APP: variants seen among roughly 807,000 people sequenced by gnomAD.
APP encodes the protein amyloid beta precursor protein.
A neutral mutation model predicts 101.4 loss-of-function variants in APP; 31 were observed. The observed-to-expected ratio is 0.31, with a 90% CI of 0.23 to 0.41. APP has a LOEUF of 0.41. Ranked by LOEUF, APP falls within the 10% of genes least tolerant of loss-of-function variation. APP has a pLI of 1.00. For synonymous variants in APP, 366 were observed against 364.4 expected (o/e 1.00, Z -0.05); for missense variants, 839 against 1,003.7 (o/e 0.84, Z 2.22).
rs2036985503 is a variant in APP, at chr21:25,881,580, T to C, written c.*90A>G. 3.5e-6 allele frequency: 5 copies of C among 1,447,244 alleles called. No individual in the cohort carries two copies. In the South Asian group the frequency reaches 5.7e-5, roughly 17 times the overall value. 89.7% of individuals were successfully genotyped at this position (1,447,244 alleles called of 1,614,324 possible). A position where few individuals can be genotyped will look rare whatever the true frequency, so the allele number is the denominator to read the frequency against. ...ATGAGTAAATCATAAAACGGGTTTG[T>C]TTCTTCCCACATTATTCTATAAATG... On this transcript the variant is annotated 3_prime_UTR_variant, in exon 18 of 18. Coordinates refer to ENST00000346798, the MANE Select transcript of APP (RefSeq NM_000484.4).
intron 13 of APP, chr21:25,941,592 T>G (rs767817000): frequency 3.9e-5 from 6 of 152,340 alleles, no homozygotes; most frequent in Non-Finnish European, 5.9e-5. Flanking sequence ...TTCTCCTGCT[T>G]CAGCCTCCTG....
At chr21:26,002,788 T>C (rs1601173010) in intron 6 of APP, among the ~76,000 whole-genome samples, 1 of 125,812 alleles carries the variant, frequency 7.9e-6, no homozygotes, top group Non-Finnish European at 1.6e-5. Flanking sequence ...AAAAGTATCA[T>C]CTTAGAGTAC....
intron 6 of APP, among the ~76,000 whole-genome samples, chr21:26,009,384 C>A (rs1191681898): frequency 6.6e-6 from 1 of 152,116 alleles, no homozygotes; most frequent in Non-Finnish European, 1.5e-5. Flanking sequence ...ATACCTCTGC[C>A]TTAGATCCAG....
intron 5 of APP, among the ~76,000 whole-genome samples, chr21:26,042,959 T>C (rs2045442894): frequency 6.6e-6 from 1 of 152,126 alleles, no homozygotes; most frequent in Non-Finnish European, 1.5e-5. Context: ...ACATATCAAA[T>C]GCTCAAGAGG....
At chr21:26,149,904 G>C (rs189634612) in intron 1 of APP, among the ~76,000 whole-genome samples, 1 of 152,124 alleles carries the variant, frequency 6.6e-6, no homozygotes, top group Non-Finnish European at 1.5e-5. Flanking sequence ...CAACACCCCA[G>C]CATGCTCCCA....
intron 1 of APP, among the ~76,000 whole-genome samples, chr21:26,168,657 G>A (rs1477158221): frequency 6.6e-6 from 1 of 152,182 alleles, no homozygotes; most frequent in Non-Finnish European, 1.5e-5. Flanking sequence ...TTCCTTAAAT[G>A]TATGGTTTTT....
chr21:26,007,054 T>C (rs1471196483), intron 6 of APP, among the ~76,000 whole-genome samples: 1 of 152,178 alleles, frequency 6.6e-6, no homozygotes, highest in East Asian at 1.9e-4. Flanking sequence ...AGGAACTATA[T>C]TTTCTGAACT....
Position 26,121,411 on chromosome 21 carries a change from G to A in APP, c.58-9265C>T, listed in dbSNP as rs183568636. On this transcript the variant is annotated intron_variant, in intron 1 of 17. Coordinates refer to ENST00000346798, the MANE Select transcript of APP (RefSeq NM_000484.4). ...ATCCTCATCTTTTTTTTTTGGAGAC[G>A]GAGTCTCACTCTGTCGCCCAGGCTG... Among the ~76,000 whole-genome samples the A allele has an allele frequency of 1.3e-3, 196 of 151,248 alleles. 1 individual carries two copies. The highest frequency in any genetic ancestry group is 4.5e-3 in the African/African-American group (184 of 41,140).
intron 1 of APP, among the ~76,000 whole-genome samples, chr21:26,117,854 A>C (rs1349919549): frequency 6.6e-6 from 1 of 152,232 alleles, no homozygotes; most frequent in Non-Finnish European, 1.5e-5. Context: ...TCGGCTTAAA[A>C]AATGATTTGC....
chr21:26,106,540 G>A (rs1249046644), intron 2 of APP, among the ~76,000 whole-genome samples: 2 of 152,070 alleles, frequency 1.3e-5, no homozygotes, highest in African/African-American at 4.8e-5. Context: ...TTACAGAACT[G>A]AATACCATAG....
At chr21:26,091,633 G>A (rs749937930) in intron 2 of APP, among the ~76,000 whole-genome samples, 55 of 152,158 alleles carry the variant, frequency 3.6e-4, no homozygotes, top group Non-Finnish European at 5.9e-4. Flanking sequence ...GGTGAACATC[G>A]ATGAGGTAGA....
At chr21:26,023,472 C>T (rs954138737) in intron 5 of APP, among the ~76,000 whole-genome samples, 1 of 150,342 alleles carries the variant, frequency 6.7e-6, no homozygotes, top group East Asian at 1.9e-4. Flanking sequence ...CCCAGGAGTT[C>T]GAGGCTGCTG....
chr21:26,156,137 A>G (rs2063371464), intron 1 of APP, among the ~76,000 whole-genome samples: 1 of 152,126 alleles, frequency 6.6e-6, no homozygotes, highest in African/African-American at 2.4e-5. Context: ...TTTTCTTTGA[A>G]TTAAATATAC....
intron 8 of APP, among the ~76,000 whole-genome samples, chr21:25,983,061 T>G (rs1396079539): frequency 6.6e-6 from 1 of 152,236 alleles, no homozygotes; most frequent in Non-Finnish European, 1.5e-5. Context: ...AAAAGGACTT[T>G]TCTGTCTTCA....
intron 5 of APP, among the ~76,000 whole-genome samples, chr21:26,037,234 G>A (rs1164930708): frequency 1.3e-5 from 2 of 152,126 alleles, no homozygotes; most frequent in Admixed American, 1.3e-4. Context: ...AGAAACTGAG[G>A]ATAGAGAAAG....
chr21:26,049,662 T>C (rs1264598801), intron 5 of APP, among the ~76,000 whole-genome samples: 3 of 152,156 alleles, frequency 2.0e-5, no homozygotes, highest in East Asian at 1.9e-4. Flanking sequence ...CTATGGAGAA[T>C]TGACAAAAAT....
In APP at chr21:25,990,025, T is replaced by C. The variant is rs553275203; in HGVS notation, c.1090+7335A>G. ...TTTATCCTAACCATTAAGTCCAAGA[T>C]AGAGGAGCCATTTATAACAAGAAAA... On this transcript the variant is annotated intron_variant, in intron 8 of 17. Coordinates refer to ENST00000346798, the MANE Select transcript of APP (RefSeq NM_000484.4). 7.9e-5 allele frequency among the ~76,000 whole-genome samples: 12 copies of C among 152,250 alleles called. No homozygotes were observed. The East Asian group carries it at 2.1e-3, about 27-fold the overall frequency.
At chr21:26,028,497 A>G (rs2044680949) in intron 5 of APP, among the ~76,000 whole-genome samples, 1 of 152,226 alleles carries the variant, frequency 6.6e-6, no homozygotes, top group South Asian at 2.1e-4. Context: ...TAAATAAAAT[A>G]TAATGAAATT....
In APP at chr21:26,001,279, T is replaced by C. The variant is rs1601167787; in HGVS notation, c.866-1097A>G. Reference sequence around the variant, plus strand: ...TCAGTGACCCATCCAATTGCATGTATAAAGTCAATCCTGAGTAGAATTATA... The same window carrying C: ...TCAGTGACCCATCCAATTGCATGTACAAAGTCAATCCTGAGTAGAATTATA... On this transcript the variant is annotated intron_variant, in intron 6 of 17. Transcript: ENST00000346798. 3.9e-5 allele frequency among the ~76,000 whole-genome samples: 6 copies of C among 152,330 alleles called. No homozygotes were observed. In the Middle Eastern group the frequency reaches 0.01, roughly 259 times the overall value.
Sources: gnomAD v4.1 joint callset for allele counts (sites outside exome capture counted in the v4.1 genomes callset) on GRCh38, gnomAD v4.1.1 for gene constraint, MANE v1.5 for transcripts, NCBI Gene and HGNC (gene_info 2026-07-23, HGNC 2026-07-21) for gene names.